Variants in PDE8A observed in about 807,000 individuals in gnomAD.
The protein encoded by PDE8A is phosphodiesterase 8A.
A neutral mutation model predicts 105.0 loss-of-function variants in PDE8A; 59 were observed. The ratio of observed to expected loss-of-function variants is 0.56; its 90% confidence interval spans 0.46 to 0.70. The LOEUF (loss-of-function observed/expected upper bound fraction) is 0.70, where lower values mean the gene tolerates loss of function less well. Among genes scored for constraint, PDE8A ranks in the 30% least tolerant of loss-of-function variants. The pLI, the probability that PDE8A is intolerant of heterozygous loss-of-function variation, is 0.00. For missense variants in PDE8A, 1,014 were observed against 1,045.9 expected, an observed-to-expected ratio of 0.97 and a Z score of 0.42; for synonymous variants, 355 against 371.9, an observed-to-expected ratio of 0.95 and a Z score of 0.52.
chr15:85,100,653 A>G (rs912522997), intron 11 of PDE8A, among the ~76,000 whole-genome samples: 1 of 152,140 alleles, frequency 6.6e-6, no homozygotes, highest in African/African-American at 2.4e-5. Flanking sequence ...GTTCTTCCCC[A>G]TAGCTTTCTT....
At chr15:85,000,877 C>T (rs570101072) in intron 1 of PDE8A, among the ~76,000 whole-genome samples, 1 of 152,280 alleles carries the variant, frequency 6.6e-6, no homozygotes, top group African/African-American at 2.4e-5. Flanking sequence ...CTTATCCATT[C>T]TTCTGAAAAA....
intron 1 of PDE8A, among the ~76,000 whole-genome samples, chr15:85,007,608 A>G (rs554503215): frequency 1.3e-4 from 20 of 152,016 alleles, no homozygotes; most frequent in African/African-American, 2.9e-4. Context: ...CAGCTCTGCA[A>G]CTTTATAGCT....
At position 85,139,027 on chromosome 15, in the gene PDE8A, TAATACCATAAAA is replaced by T. The variant is rs1310994210; in HGVS notation, c.*1128_*1139del. ...TGTATCTTCACACCTTGAATAAGCA[TAATACCATAAAA>T]AATGACACTTGACATGTCAATGTAT... On this transcript the variant is annotated 3_prime_UTR_variant, in exon 22 of 22. Coordinates refer to ENST00000394553, the MANE Select transcript of PDE8A (RefSeq NM_002605.3). The T allele has an allele frequency of 6.6e-6, 1 of 152,154 alleles. No individual in the cohort carries two copies. Among genetic ancestry groups the T allele is most frequent in the Non-Finnish European group, 1.5e-5 (1 of 68,020 alleles). The allele number at this position is 152,154 out of a possible 1,614,324, so 9.4% of individuals were successfully genotyped here.
chr15:85,135,318 C>T (rs1023802039), intron 20 of PDE8A, among the ~76,000 whole-genome samples: 4 of 152,114 alleles, frequency 2.6e-5, no homozygotes, highest in African/African-American at 9.7e-5. Flanking sequence ...CTCAGCTACC[C>T]TTCTCCCTTA....
intron 20 of PDE8A, among the ~76,000 whole-genome samples, chr15:85,134,101 G>A (rs932898134): frequency 6.6e-6 from 1 of 152,242 alleles, no homozygotes; most frequent in Non-Finnish European, 1.5e-5. Context: ...GGGAACGGGG[G>A]CCCCTGGACG....
At chr15:85,099,910 T>C (rs1269814154) in intron 9 of PDE8A, 105 bp from the exon 10 acceptor site, 3 of 828,320 alleles carry the variant, frequency 3.6e-6, no homozygotes, top group Non-Finnish European at 6.0e-6. Context: ...CAGAGCGTTT[T>C]GTGTATTGCA....
At chr15:84,992,881 G>T (rs2142156431) in intron 1 of PDE8A, among the ~76,000 whole-genome samples, 1 of 152,290 alleles carries the variant, frequency 6.6e-6, no homozygotes, top group East Asian at 1.9e-4. Flanking sequence ...CCATGGGGAG[G>T]TGGAAAGGAG....
chr15:85,048,517 G>C (rs1311661957), intron 1 of PDE8A, among the ~76,000 whole-genome samples: 1 of 152,074 alleles, frequency 6.6e-6, no homozygotes, highest in African/African-American at 2.4e-5. Context: ...TTTCTCTTAC[G>C]AAACTGTGCC....
At chr15:85,068,426 G>A (rs1402305268) in intron 3 of PDE8A, among the ~76,000 whole-genome samples, 1 of 152,138 alleles carries the variant, frequency 6.6e-6, no homozygotes, top group African/African-American at 2.4e-5. Context: ...AATGGAGAGA[G>A]CTCCGGCCAG....
intron 19 of PDE8A, among the ~76,000 whole-genome samples, chr15:85,124,195 T>C (rs2082225558): frequency 2.0e-5 from 3 of 152,148 alleles, no homozygotes; most frequent in Admixed American, 2.0e-4. Context: ...GGCAGGAGTC[T>C]CCAGCTGAGG....
intron 3 of PDE8A, among the ~76,000 whole-genome samples, chr15:85,074,578 C>T (rs903521436): frequency 1.3e-5 from 2 of 152,150 alleles, no homozygotes; most frequent in African/African-American, 4.8e-5. Context: ...GCCAGCTGGT[C>T]GCAGCTACTC....
chr15:85,055,124 G>A (rs1285343647), intron 1 of PDE8A, among the ~76,000 whole-genome samples: 1 of 152,178 alleles, frequency 6.6e-6, no homozygotes, highest in Non-Finnish European at 1.5e-5. Flanking sequence ...GGGTGGTTTT[G>A]AGTGAGTTTC....
At chr15:84,981,691 A>AGGCGGC (rs143049742), upstream of PDE8A, among the ~76,000 whole-genome samples, 33 of 150,784 alleles carry the variant, frequency 2.2e-4, no homozygotes, top group Non-Finnish European at 3.0e-4. Flanking sequence ...GGAGCCGGGG[A>AGGCGGC]GGCGGCGGCG....
At chr15:85,085,148 T>C (rs2081531073) in intron 6 of PDE8A, among the ~76,000 whole-genome samples, 1 of 152,192 alleles carries the variant, frequency 6.6e-6, no homozygotes, top group Non-Finnish European at 1.5e-5. Context: ...AAATGTAGCC[T>C]ACAAGGGTCT....
In PDE8A at chr15:85,054,225, T is replaced by A. The variant is rs991246288; in HGVS notation, c.187-10145T>A. 4.6e-5 allele frequency among the ~76,000 whole-genome samples: 7 copies of A among 152,352 alleles called. No homozygotes were observed. In the South Asian group the frequency reaches 1.0e-3, roughly 23 times the overall value. On this transcript the variant is annotated intron_variant, in intron 1 of 21. Transcript: ENST00000394553. ...TGCTGCTGGATTCAGTTTGCCAGTATTTTATTCAGGATTTTTGCATCGATG... is the reference window on the plus strand; with the variant it reads ...TGCTGCTGGATTCAGTTTGCCAGTAATTTATTCAGGATTTTTGCATCGATG...
intron 20 of PDE8A, among the ~76,000 whole-genome samples, chr15:85,127,107 G>A (rs940089523): frequency 2.6e-5 from 4 of 152,106 alleles, no homozygotes; most frequent in Admixed American, 1.3e-4. Context: ...TGAGGCAGGA[G>A]GATCGCTTGA....
chr15:85,099,533 A>C (rs1450279031), intron 9 of PDE8A, among the ~76,000 whole-genome samples: 1 of 152,256 alleles, frequency 6.6e-6, no homozygotes, highest in Non-Finnish European at 1.5e-5. Flanking sequence ...AAGAGTCAGC[A>C]GCCTCTGAGC....
intron 8 of PDE8A, among the ~76,000 whole-genome samples, chr15:85,094,430 C>G (rs1338827286): frequency 6.6e-6 from 1 of 152,236 alleles, no homozygotes; most frequent in Non-Finnish European, 1.5e-5. Context: ...TGTTGTCCCT[C>G]AGAATGTTCC....
At chr15:85,108,683 T>G (rs1373537791) in intron 11 of PDE8A, among the ~76,000 whole-genome samples, 8 of 152,168 alleles carry the variant, frequency 5.3e-5, no homozygotes, top group South Asian at 2.1e-4. Flanking sequence ...AATAAAAGAT[T>G]TTTTTTCTTT....
Sources: allele counts gnomAD v4.1 joint callset (sites outside exome capture counted in the v4.1 genomes callset), GRCh38; gene constraint gnomAD v4.1.1; transcripts MANE v1.5; gene names NCBI Gene and HGNC (gene_info 2026-07-23, HGNC 2026-07-21).